The following SLC30A7 variants were observed in gnomAD, a reference collection of about 807,000 sequenced individuals.
SLC30A7 encodes solute carrier family 30 member 7.
Under a neutral mutation model 46.0 loss-of-function variants are expected in SLC30A7, and 35 were observed. The observed-to-expected ratio is 0.76, with a 90% confidence interval of 0.58 to 1.01. The LOEUF is 1.01. Among genes scored for constraint, SLC30A7 ranks in the 50% least tolerant of loss-of-function variants. The probability of loss-of-function intolerance (pLI) is 0.00; values close to 1 mark genes in which losing one functional copy is unlikely to be tolerated. For missense variants in SLC30A7, 464 were observed against 451.1 expected (o/e 1.03, Z -0.26); for synonymous variants, 147 against 157.8 (o/e 0.93, Z 0.51).
chr1:100,953,438 T>C (rs570608246), intron 8 of SLC30A7, among the ~76,000 whole-genome samples: 11 of 152,352 alleles, frequency 7.2e-5, no homozygotes, highest in Admixed American at 2.6e-4. Context: ...GCTACCTGAA[T>C]GGTAATTCAT....
chr1:100,941,231 A>T (rs1234514465), intron 8 of SLC30A7: 11 of 375,804 alleles, frequency 2.9e-5, no homozygotes, highest in Non-Finnish European at 1.0e-5. Context: ...CATTATTACA[A>T]AATCCATTTT....
At position 100,913,737 on chromosome 1, in the gene SLC30A7, C is replaced by T; in HGVS notation, c.586C>T (p.His196Tyr). ...AHGHVDHCHS[H>Y]EVKHGAAHSH... ...TGGCCATGTCGATCATTGCCATAGC[C>T]ATGAAGTGAAACATGGTGCTGCACA... The change falls in exon 6 of 11, where the codon CAT becomes TAT. Residue 196 changes from histidine to tyrosine, a missense_variant. His to Tyr is a moderately conservative substitution (Grantham distance 83). Transcript: ENST00000357650. 6.2e-7 allele frequency: 1 copy of T among 1,613,882 alleles called. No homozygotes were observed. The highest frequency in any genetic ancestry group is 8.5e-7 in the Non-Finnish European group (1 of 1,179,808).
At chr1:100,963,546 G>T (rs1258940679) in intron 9 of SLC30A7, among the ~76,000 whole-genome samples, 1 of 152,144 alleles carries the variant, frequency 6.6e-6, no homozygotes, top group East Asian at 1.9e-4. Flanking sequence ...GTTGTTAAAG[G>T]GGGCAGAGAA....
Position 100,965,752 on chromosome 1 carries a change from T to C in SLC30A7, c.934-17T>C. On this transcript the variant is annotated splice_polypyrimidine_tract_variant and intron_variant, in intron 9 of 10. Coordinates refer to ENST00000357650, the MANE Select transcript of SLC30A7 (RefSeq NM_133496.5). ...TTAACTTGATTATGATGTTAATATCTCTCCTTTATATTTCAGGTACAGCAG... is the reference window on the plus strand; with the variant it reads ...TTAACTTGATTATGATGTTAATATCCCTCCTTTATATTTCAGGTACAGCAG... 1 of 1,608,290 alleles carries C rather than the reference T, an allele frequency of 6.2e-7. No homozygotes were observed. The highest frequency in any genetic ancestry group is 8.5e-7 in the Non-Finnish European group (1 of 1,174,852).
chr1:100,959,559 C>CTGAG (rs768350245), intron 8 of SLC30A7, among the ~76,000 whole-genome samples: 56 of 152,170 alleles, frequency 3.7e-4, no homozygotes, highest in Non-Finnish European at 5.4e-4. Context: ...GGCTGTTGAA[C>CTGAG]TGAGGGTCTG....
chr1:100,932,528 A>G (rs1180235445), intron 8 of SLC30A7, among the ~76,000 whole-genome samples: 2 of 152,234 alleles, frequency 1.3e-5, no homozygotes, highest in Non-Finnish European at 2.9e-5. Context: ...ATATAACTAG[A>G]TATATACGTT....
intron 2 of SLC30A7, among the ~76,000 whole-genome samples, chr1:100,896,923 C>T (rs927608014): frequency 1.2e-4 from 19 of 152,074 alleles, no homozygotes; most frequent in Admixed American, 5.9e-4. Context: ...ACTGACAAGC[C>T]CCTCCTTATT....
At chr1:100,942,246 A>G (rs1654391080) in intron 8 of SLC30A7, among the ~76,000 whole-genome samples, 1 of 152,220 alleles carries the variant, frequency 6.6e-6, no homozygotes, top group Non-Finnish European at 1.5e-5. Flanking sequence ...GTATTAACTC[A>G]GAGGAATTGG....
chr1:100,982,173 CCATGCACCACT>C (rs1168700497), downstream of SLC30A7, among the ~76,000 whole-genome samples: 2 of 152,180 alleles, frequency 1.3e-5, no homozygotes, highest in Admixed American at 6.5e-5. Flanking sequence ...CCACAGTATC[CCATGCACCACT>C]CATGTCACCT....
At chr1:100,937,229 CAAT>C in intron 8 of SLC30A7, among the ~76,000 whole-genome samples, 1 of 152,224 alleles carries the variant, frequency 6.6e-6, no homozygotes, top group East Asian at 1.9e-4. Flanking sequence ...AAATTTGTGT[CAAT>C]AATTCAAAAC....
At position 100,913,686 on chromosome 1, in the gene SLC30A7, T is replaced by C. The variant is rs1449571070; in HGVS notation, c.535T>C (p.Phe179Leu). ...AGGCCACGGACACAGTCATTCCCTC[T>C]TTAATGGTGCTCTAGATCAGGCACA... Reference protein sequence around the residue: ...GSGHGHSHSLFNGALDQAHGH... With the variant: ...GSGHGHSHSLLNGALDQAHGH... The change falls in exon 6 of 11, where the codon TTT becomes CTT. Residue 179 changes from phenylalanine (F) to leucine (L), a missense_variant. Physicochemically the swap from Phe to Leu is conservative, Grantham distance 22. Transcript: ENST00000357650. 20 of 1,613,834 alleles carry C rather than the reference T, an allele frequency of 1.2e-5. No homozygotes were observed. Among genetic ancestry groups the C allele is most frequent in the Non-Finnish European group, 1.4e-5 (17 of 1,179,840 alleles).
chr1:100,941,387 C>T, intron 8 of SLC30A7: 1 of 398,878 alleles, frequency 2.5e-6, no homozygotes, highest in Non-Finnish European at 4.8e-6. Context: ...AGCACTTCAC[C>T]CTTTTCGGCT....
chr1:100,987,022 CA>C, the SLC30A7 span, among the ~76,000 whole-genome samples: 2 of 152,144 alleles, frequency 1.3e-5, no homozygotes, highest in Non-Finnish European at 2.9e-5. Context: ...GTGCAGTGTT[CA>C]TTTTACAATT....
chr1:100,943,970 A>G (rs1654486593), intron 8 of SLC30A7, among the ~76,000 whole-genome samples: 1 of 152,242 alleles, frequency 6.6e-6, no homozygotes, highest in South Asian at 2.1e-4. Flanking sequence ...GAAACACTGG[A>G]AGAATAAATC....
At chr1:100,945,066 C>T (rs967772100) in intron 8 of SLC30A7, among the ~76,000 whole-genome samples, 9 of 152,100 alleles carry the variant, frequency 5.9e-5, no homozygotes, top group Admixed American at 2.0e-4. Flanking sequence ...TTCATGTGTC[C>T]GTTGGCTGCA....
rs1265599897 is a variant in SLC30A7, at chr1:100,915,186, T to TCCC, written c.655+1380_655+1381insCCC. On this transcript the variant is annotated intron_variant, in intron 6 of 10. Transcript: ENST00000357650. ...CACTTCTTTTCTTTTTTCTTTTCTT[T>TCCC]TCTTTCTTTTCTTTCTTTCTTTCTT... Among the ~76,000 whole-genome samples, 702 of 139,392 alleles carry TCCC rather than the reference T, an allele frequency of 5.0e-3. 5 individuals carry two copies. The highest frequency in any genetic ancestry group is 6.3e-3 in the Non-Finnish European group (412 of 65,268). The allele number at this position is 139,392 out of a possible 152,430, so 91.4% of individuals were successfully genotyped here.
chr1:100,919,194 C>A (rs1056750504), intron 7 of SLC30A7, among the ~76,000 whole-genome samples: 2 of 152,034 alleles, frequency 1.3e-5, no homozygotes, highest in Non-Finnish European at 2.9e-5. Context: ...CAGAGAAAAT[C>A]CTGTCTATGA....
intron 2 of SLC30A7, among the ~76,000 whole-genome samples, chr1:100,904,738 G>A (rs1651541319): frequency 6.6e-6 from 1 of 152,112 alleles, no homozygotes; most frequent in Non-Finnish European, 1.5e-5. Context: ...TTCTTCATGC[G>A]CTTACTCCTG....
At chr1:100,917,565 T>C (rs1165590508) in intron 6 of SLC30A7, among the ~76,000 whole-genome samples, 1 of 152,306 alleles carries the variant, frequency 6.6e-6, no homozygotes, top group South Asian at 2.1e-4. Context: ...TGTTTAGAGA[T>C]AGAAATTATA....
Sources: allele counts gnomAD v4.1 joint callset (sites outside exome capture counted in the v4.1 genomes callset), GRCh38; gene constraint gnomAD v4.1.1; transcripts MANE v1.5; gene names NCBI Gene and HGNC (gene_info 2026-07-23, HGNC 2026-07-21).